The following BICRA variants were observed in gnomAD, a reference collection of about 807,000 sequenced individuals.
The protein encoded by BICRA is BRD4-interacting chromatin-remodeling complex-associated protein.
In BICRA, 31 loss-of-function variants were observed where a neutral mutation model predicts 96.9. The observed-to-expected ratio is 0.32, with a 90% CI of 0.24 to 0.43. BICRA has a LOEUF of 0.43. Among genes scored for constraint, BICRA ranks in the 20% least tolerant of loss-of-function variants. The pLI is 1.00. For missense variants in BICRA, 2,283 were observed against 2,190.3 expected (o/e 1.04, Z -0.84); for synonymous variants, 1,350 against 1,071.8 (o/e 1.26, Z -5.07).
rs59672518 is a variant in BICRA, at chr19:47,699,280, C to G, written c.3493-23C>G. 3 of 1,384,518 alleles carry G rather than the reference C, an allele frequency of 2.2e-6. No individual in the cohort carries two copies. The highest frequency in any genetic ancestry group is 2.0e-6 in the Non-Finnish European group (2 of 993,778). 85.8% of individuals were successfully genotyped at this position (1,384,518 alleles called of 1,614,324 possible). A position where few individuals can be genotyped will look rare whatever the true frequency, so the allele number is the denominator to read the frequency against. ...CCCCCTTCTTGCTGGTTCACTCGCA[C>G]GTCGTCTTTTCCCCCACCCCAGAGG... On this transcript the variant is annotated intron_variant, in intron 13 of 14. Coordinates refer to ENST00000594866, the MANE Select transcript of BICRA (RefSeq NM_001394372.1). The surrounding 1 kb of genome is among the most constrained non-coding windows in gnomAD (Gnocchi z 5.0).
chr19:47,661,956 G>A (rs188956137), intron 1 of BICRA: 299 of 152,194 alleles, frequency 2.0e-3, no homozygotes, highest in Non-Finnish European at 3.6e-3. Context: ...GTGGGACCCC[G>A]TCTCTGCAAA....
chr19:47,667,434 G>A (rs1440377357), intron 1 of BICRA, among the ~76,000 whole-genome samples: 3 of 152,134 alleles, frequency 2.0e-5, no homozygotes, highest in South Asian at 2.1e-4. Context: ...GAAGCCTCAC[G>A]GGAGCTGCAT....
chr19:47,666,873 C>T (rs1406128611), intron 1 of BICRA, among the ~76,000 whole-genome samples: 1 of 152,000 alleles, frequency 6.6e-6, no homozygotes, highest in East Asian at 1.9e-4. Flanking sequence ...AACCATGCCT[C>T]CCTCCTTTTT....
intron 1 of BICRA, among the ~76,000 whole-genome samples, chr19:47,613,933 G>A (rs755969746): frequency 4.6e-5 from 7 of 151,704 alleles, no homozygotes; most frequent in Non-Finnish European, 1.0e-4. Context: ...GGGGGGAGGG[G>A]GAAAGGAGTG....
Position 47,680,046 on chromosome 19 carries a change from C to T in BICRA, c.876C>T (p.Asn292=), listed in dbSNP as rs1973008671. ...GGGCTGGCCTGGTCATCCAGAAGAACCTCTCGGCCGCTGTGGCCACCACGC... is the reference window on the plus strand; with the variant it reads ...GGGCTGGCCTGGTCATCCAGAAGAATCTCTCGGCCGCTGTGGCCACCACGC... ...PQGAGLVIQK[N]LSAAVATTLN... is the part of the protein sequence containing the mutation. The change falls in exon 6 of 15, where the codon AAC becomes AAT. Residue 292 remains asparagine, a synonymous_variant. Transcript: ENST00000594866. 1.9e-6 allele frequency: 3 copies of T among 1,554,856 alleles called. No homozygotes were observed. The highest frequency in any genetic ancestry group is 2.6e-6 in the Non-Finnish European group (3 of 1,161,392).
At position 47,694,890 on chromosome 19, in the gene BICRA, CCCT is replaced by C; in HGVS notation, c.2896-5_2896-3del. On this transcript the variant is annotated splice_polypyrimidine_tract_variant and splice_region_variant and intron_variant, in intron 8 of 14. Coordinates refer to ENST00000594866, the MANE Select transcript of BICRA (RefSeq NM_001394372.1). ...GTTCCCCACCCCTCATCCACCTGTC[CCCT>C]CCTCAGGTGCCGTCCGGAATCATCC... 1 of 1,504,658 alleles carries C rather than the reference CCCT, an allele frequency of 6.6e-7. No individual in the cohort carries two copies. Among genetic ancestry groups the C allele is most frequent in the South Asian group, 1.3e-5 (1 of 75,256 alleles). 93.2% of individuals were successfully genotyped at this position (1,504,658 alleles called of 1,614,324 possible).
chr19:47,702,434 TC>T lies in BICRA; in HGVS notation c.*23del. On this transcript the variant is annotated 3_prime_UTR_variant, in exon 15 of 15. Transcript: ENST00000594866. ...CAGATAACACCGGGCCGCCTCCCCT[TC>T]CCCGTCCCCTCCTCCCGAAGACGCC... The T allele has an allele frequency of 6.8e-7, 1 of 1,461,514 alleles. No homozygotes were observed. Among genetic ancestry groups the T allele is most frequent in the Non-Finnish European group, 8.9e-7 (1 of 1,121,544 alleles). The allele number at this position is 1,461,514 out of a possible 1,614,324, so 90.5% of individuals were successfully genotyped here. A position where few individuals can be genotyped will look rare whatever the true frequency, so the allele number is the denominator to read the frequency against.
At chr19:47,681,571 A>C (rs1416478682) in intron 6 of BICRA, among the ~76,000 whole-genome samples, 1 of 152,132 alleles carries the variant, frequency 6.6e-6, no homozygotes, top group East Asian at 1.9e-4. Flanking sequence ...ACCAGTGAAC[A>C]GACAGAAGGG....
rs1208141182 is a variant in BICRA, at chr19:47,701,866, C to T, written c.4134C>T (p.Thr1378=). Residue 1378 remains threonine (T), a synonymous_variant, in exon 15 of 15, where the codon ACC becomes ACT. Coordinates refer to ENST00000594866, the MANE Select transcript of BICRA (RefSeq NM_001394372.1). This position sits in a 1 kb window ranked among gnomAD's most constrained non-coding sequence, Gnocchi z 5.4. ...PAAPERKPLG[T]APHCPRLPLR... Reference sequence around the variant, plus strand: ...CCCCCGAGCGCAAGCCCCTGGGCACCGCCCCGCACTGCCCGCGCCTGCCAC... The same window carrying T: ...CCCCCGAGCGCAAGCCCCTGGGCACTGCCCCGCACTGCCCGCGCCTGCCAC... 1 of 1,479,208 alleles carries T rather than the reference C, an allele frequency of 6.8e-7. No homozygotes were observed. The allele number at this position is 1,479,208 out of a possible 1,614,324, so 91.6% of individuals were successfully genotyped here. A position where few individuals can be genotyped will look rare whatever the true frequency, so the allele number is the denominator to read the frequency against.
chr19:47,666,425 A>T (rs1280415811), intron 1 of BICRA, among the ~76,000 whole-genome samples: 1 of 151,718 alleles, frequency 6.6e-6, no homozygotes, highest in Non-Finnish European at 1.5e-5. Context: ...GATTACAGGC[A>T]TGTGCCACCA....
intron 9 of BICRA, 23 bp from the exon 10 acceptor site, chr19:47,695,342 T>TCGGGGGGGGGC: frequency 1.6e-6 from 1 of 630,198 alleles, no homozygotes; most frequent in Non-Finnish European, 2.8e-6. Context: ...AGGCCCTGTC[T>TCGGGGGGGGGC]CCCCCACCCC....
rs1424222568 is a variant in BICRA at position 47,699,524 on chromosome 19, G to A, written c.3595+119G>A. 17 of 652,562 alleles carry A rather than the reference G, an allele frequency of 2.6e-5. No individual in the cohort carries two copies. Among genetic ancestry groups the A allele is most frequent in the East Asian group, 2.5e-4 (9 of 36,370 alleles). 40.4% of individuals were successfully genotyped at this position (652,562 alleles called of 1,614,324 possible). ...GCCCTACCTCACTCCACCACTAGGC[G>A]GTGCCCCAGCTCCACCTTCCTGCTG... On this transcript the variant is annotated intron_variant, in intron 14 of 14. Transcript: ENST00000594866. The surrounding 1 kb of genome is among the most constrained non-coding windows in gnomAD (Gnocchi z 5.0).
At chr19:47,681,377 G>A in intron 6 of BICRA, 101 bp downstream of exon 6, 3 of 1,029,280 alleles carry the variant, frequency 2.9e-6, no homozygotes, top group Non-Finnish European at 4.1e-6. Flanking sequence ...GGATGCCACT[G>A]TGGCAGCTGG....
chr19:47,669,600 A>G (rs376955477), intron 1 of BICRA, among the ~76,000 whole-genome samples: 3 of 152,142 alleles, frequency 2.0e-5, no homozygotes, highest in South Asian at 4.1e-4. Context: ...TAGTATATAT[A>G]TGGGATAATA....
In BICRA at chr19:47,627,378, C is replaced by T. The variant is rs941884423; in HGVS notation, c.-108+18210C>T. On this transcript the variant is annotated intron_variant, in intron 1 of 14. Transcript: ENST00000594866. ...CCTAATCAGCTAGAGAGGCCTACTT[C>T]CTCCTTGGAGGTTAAATAGATGACA... 2.6e-5 allele frequency among the ~76,000 whole-genome samples: 4 copies of T among 152,204 alleles called. No homozygotes were observed. In the South Asian group the frequency reaches 8.3e-4, roughly 32 times the overall value.
At chr19:47,664,037 G>T (rs1972740678) in intron 1 of BICRA, 1 of 152,232 alleles carries the variant, frequency 6.6e-6, no homozygotes, top group Non-Finnish European at 1.5e-5. Flanking sequence ...TGTTAACCCT[G>T]CACAGAGTCA....
chr19:47,635,956 A>G (rs953454504), intron 1 of BICRA, among the ~76,000 whole-genome samples: 7 of 152,222 alleles, frequency 4.6e-5, no homozygotes, highest in Non-Finnish European at 1.0e-4. Flanking sequence ...GATCACCAGC[A>G]TGAAGCCTTT....
intron 1 of BICRA, among the ~76,000 whole-genome samples, chr19:47,668,963 G>A (rs1051840403): frequency 2.6e-5 from 4 of 151,894 alleles, no homozygotes; most frequent in East Asian, 3.9e-4. Context: ...CTACTTAGCC[G>A]GGTATAGTGG....
chr19:47,680,316 C>A lies in BICRA; in HGVS notation c.1146C>A (p.Gly382=). Residue 382 remains glycine (G), a synonymous_variant, in exon 6 of 15, where the codon GGC becomes GGA. Transcript: ENST00000594866. Reference sequence around the variant, plus strand: ...CGGGCGCCACGCTCACCATCCAGGGCGAGCCGGGGGCGCTCCCGCAGCAGC... The same window carrying A: ...CGGGCGCCACGCTCACCATCCAGGGAGAGCCGGGGGCGCTCCCGCAGCAGC... ...APAGATLTIQ[G]EPGALPQQPK... 6 of 1,544,126 alleles carry A rather than the reference C, an allele frequency of 3.9e-6. No individual in the cohort carries two copies. The highest frequency in any genetic ancestry group is 1.2e-5 in the South Asian group (1 of 84,578).
Sources: gnomAD v4.1 joint callset for allele counts (sites outside exome capture counted in the v4.1 genomes callset) on GRCh38, gnomAD v4.1.1 for gene constraint, Gnocchi (gnomAD v3.1) non-coding constraint, MANE v1.5 for transcripts, NCBI Gene and HGNC (gene_info 2026-07-23, HGNC 2026-07-21) for gene names.